Variants in STAG1 observed in about 807,000 individuals in gnomAD.
STAG1 encodes cohesin subunit SA-1.
Under a neutral mutation model 170.9 loss-of-function variants are expected in STAG1, and 26 were observed. The ratio of observed to expected loss-of-function variants is 0.15; its 90% CI spans 0.11 to 0.21. The LOEUF is 0.21. Ranked by LOEUF, STAG1 falls within the 10% of genes least tolerant of loss-of-function variation. The probability of loss-of-function intolerance (pLI) is 1.00; values close to 1 mark genes in which losing one functional copy is unlikely to be tolerated. For synonymous variants in STAG1, 514 were observed against 497.7 expected, an observed-to-expected ratio of 1.03 and a Z score of -0.44; for missense variants, 964 against 1,509.5, an observed-to-expected ratio of 0.64 and a Z score of 5.99.
At chr3:136,372,082 AGT>A (rs1435305664) in intron 23 of STAG1, among the ~76,000 whole-genome samples, 1 of 152,038 alleles carries the variant, frequency 6.6e-6, no homozygotes, top group Non-Finnish European at 1.5e-5. Context: ...ATCCCTTGTG[AGT>A]TGGATTCCTA....
intron 15 of STAG1, among the ~76,000 whole-genome samples, chr3:136,439,437 C>CACACACACACACAA (rs2088568141): frequency 9.0e-6 from 1 of 110,804 alleles, no homozygotes; most frequent in South Asian, 3.0e-4. Context: ...CACACACACA[C>CACACACACACACAA]ACACAAACAC....
chr3:136,654,907 C>T (rs759120373), intron 1 of STAG1, among the ~76,000 whole-genome samples: 2 of 152,136 alleles, frequency 1.3e-5, no homozygotes, highest in Non-Finnish European at 2.9e-5. Context: ...AAAGGACAGT[C>T]GTTTCAACAC....
chr3:136,649,570 G>A (rs2107854399), intron 1 of STAG1, among the ~76,000 whole-genome samples: 1 of 146,582 alleles, frequency 6.8e-6, no homozygotes, highest in Admixed American at 6.8e-5. Context: ...GGCAGCCAAT[G>A]AAATAAATAC....
chr3:136,519,266 C>G (rs1230600482), intron 7 of STAG1, among the ~76,000 whole-genome samples: 1 of 152,072 alleles, frequency 6.6e-6, no homozygotes, highest in Admixed American at 6.6e-5. Flanking sequence ...AAACAGAATG[C>G]ACACAAGTTT....
At chr3:136,463,832 CATAT>C (rs1225927812) in intron 13 of STAG1, among the ~76,000 whole-genome samples, 1 of 135,664 alleles carries the variant, frequency 7.4e-6, no homozygotes, top group Non-Finnish European at 1.6e-5. Flanking sequence ...TTCATATATA[CATAT>C]ATACATACAT....
At chr3:136,477,483 T>C (rs1283054530) in intron 9 of STAG1, 71 bp from the exon 10 acceptor site, 119 of 1,370,834 alleles carry the variant, frequency 8.7e-5, no homozygotes, top group Non-Finnish European at 1.1e-4. Flanking sequence ...TCGCTTTCCA[T>C]AAGCAATAAA....
chr3:136,720,396 T>C (rs1474058178), intron 1 of STAG1, among the ~76,000 whole-genome samples: 3 of 152,260 alleles, frequency 2.0e-5, no homozygotes, highest in African/African-American at 4.8e-5. Flanking sequence ...TGGCAGTTTG[T>C]CTCCAACACA....
At chr3:136,643,100 T>C (rs1940864871) in intron 1 of STAG1, among the ~76,000 whole-genome samples, 2 of 152,364 alleles carry the variant, frequency 1.3e-5, no homozygotes, top group South Asian at 4.1e-4. Flanking sequence ...CCAAATAAGG[T>C]TGCATTCATA....
At chr3:136,553,542 A>T (rs896827598) in intron 5 of STAG1, among the ~76,000 whole-genome samples, 2 of 152,008 alleles carry the variant, frequency 1.3e-5, no homozygotes, top group Admixed American at 6.6e-5. Flanking sequence ...TTGGGAGGCC[A>T]AGGCAGGTGG....
chr3:136,747,093 T>TTAA (rs1246647616), intron 1 of STAG1, among the ~76,000 whole-genome samples: 7 of 59,322 alleles, frequency 1.2e-4, no homozygotes, highest in South Asian at 5.2e-4. Flanking sequence ...TGAAACTGTC[T>TTAA]AAAAAAAAAA....
chr3:136,699,739 T>C (rs1038396321), intron 1 of STAG1, among the ~76,000 whole-genome samples: 2 of 152,040 alleles, frequency 1.3e-5, no homozygotes, highest in Non-Finnish European at 2.9e-5. Flanking sequence ...ACACATCCTT[T>C]GTGTATCCTT....
intron 1 of STAG1, among the ~76,000 whole-genome samples, chr3:136,728,145 C>T (rs917038480): frequency 4.6e-5 from 7 of 151,208 alleles, no homozygotes; most frequent in Admixed American, 6.6e-5. Context: ...GCAACAAGTG[C>T]GAAAGCCCAT....
chr3:136,452,877 C>T (rs2088986125), intron 13 of STAG1, among the ~76,000 whole-genome samples: 1 of 152,032 alleles, frequency 6.6e-6, no homozygotes, highest in African/African-American at 2.4e-5. Flanking sequence ...GCAACCTCTG[C>T]CTCTCGGGTT....
Position 136,472,385 on chromosome 3 carries a change from A to C in STAG1, c.1205+28T>G, listed in dbSNP as rs145000932. The C allele has an allele frequency of 9.1e-6, 14 of 1,533,414 alleles. No individual in the cohort carries two copies. In the East Asian group the frequency reaches 2.7e-4, roughly 30 times the overall value. 95.0% of individuals were successfully genotyped at this position (1,533,414 alleles called of 1,614,324 possible). ...GGAAAAGGTATTAAAATATCAATAA[A>C]GTTAAAATAGTAATGGATATTACTT... On this transcript the variant is annotated intron_variant, in intron 12 of 33. Coordinates refer to ENST00000383202, the MANE Select transcript of STAG1 (RefSeq NM_005862.3).
Position 136,537,880 on chromosome 3 carries a change from G to C in STAG1, c.471+4239C>G, listed in dbSNP as rs745769459. Among the ~76,000 whole-genome samples, 44 of 150,056 alleles carry C rather than the reference G, an allele frequency of 2.9e-4. 1 individual carries two copies. Among genetic ancestry groups the C allele is most frequent in the African/African-American group, 1.0e-3 (43 of 41,456 alleles). ...GAAAACTGAAACAACAAAAACCTGA[G>C]CATGTGATCATAAGGAAATAAGAAA... On this transcript the variant is annotated intron_variant, in intron 6 of 33. Transcript: ENST00000383202.
At chr3:136,592,857 A>T (rs1348320855) in intron 4 of STAG1, among the ~76,000 whole-genome samples, 2 of 152,182 alleles carry the variant, frequency 1.3e-5, no homozygotes, top group African/African-American at 4.8e-5. Flanking sequence ...AGCAATAACC[A>T]CTGTAGACAG....
intron 21 of STAG1, among the ~76,000 whole-genome samples, chr3:136,403,673 TA>T (rs924617889): frequency 5.9e-5 from 9 of 152,182 alleles, no homozygotes; most frequent in African/African-American, 2.2e-4. Flanking sequence ...AGAATTGCTT[TA>T]TTTTGGTTAT....
chr3:136,521,011 A>C (rs1329435216), intron 7 of STAG1, among the ~76,000 whole-genome samples: 1 of 152,116 alleles, frequency 6.6e-6, no homozygotes, highest in Non-Finnish European at 1.5e-5. Context: ...ATTTGATGAC[A>C]CTGGCCAGAA....
intron 1 of STAG1, among the ~76,000 whole-genome samples, chr3:136,739,862 C>CACAT (rs1274810084): frequency 6.6e-6 from 1 of 151,908 alleles, no homozygotes; most frequent in Non-Finnish European, 1.5e-5. Context: ...TACACACACA[C>CACAT]ACATACACAC....
Sources: allele counts gnomAD v4.1 joint callset (sites outside exome capture counted in the v4.1 genomes callset), GRCh38; gene constraint gnomAD v4.1.1; transcripts MANE v1.5; gene names NCBI Gene and HGNC (gene_info 2026-07-23, HGNC 2026-07-21).